RREB1: variants seen among roughly 807,000 people sequenced by gnomAD.
RREB1 encodes the protein ras responsive element binding protein 1.
Under a neutral mutation model 117.8 loss-of-function variants are expected in RREB1, and 27 were observed. That is an observed-to-expected ratio of 0.23 (90% CI 0.17 to 0.32). RREB1 has a LOEUF of 0.32. RREB1 is among the 10% of genes least tolerant of loss of function. The probability of loss-of-function intolerance (pLI) is 1.00; values close to 1 mark genes in which losing one functional copy is unlikely to be tolerated. For synonymous variants in RREB1, 1,298 were observed against 1,026.7 expected, an observed-to-expected ratio of 1.26 and a Z score of -5.05; for missense variants, 2,577 against 2,378.2, an observed-to-expected ratio of 1.08 and a Z score of -1.74.
intron 1 of RREB1, among the ~76,000 whole-genome samples, chr6:7,169,987 A>G (rs931246107): frequency 7.9e-5 from 12 of 152,202 alleles, no homozygotes; most frequent in Non-Finnish European, 4.4e-5. Flanking sequence ...TAAATGTCCA[A>G]GTGATTTTTA....
chr6:7,226,446 G>A (rs753638744), intron 8 of RREB1, 21 bp from the exon 9 acceptor site: 2 of 1,588,260 alleles, frequency 1.3e-6, no homozygotes, highest in East Asian at 2.3e-5. Context: ...TGCCTCATAT[G>A]TTCTCCCTTT....
intron 1 of RREB1, among the ~76,000 whole-genome samples, chr6:7,161,932 G>A (rs933086329): frequency 1.3e-5 from 2 of 152,164 alleles, no homozygotes; most frequent in African/African-American, 4.8e-5. Context: ...CTGTGGATAC[G>A]ATTATTTCAT....
In RREB1 at chr6:7,247,227, C is replaced by T. The variant is rs562455891; in HGVS notation, c.4771+6C>T. 1.7e-5 allele frequency: 28 copies of T among 1,607,024 alleles called. No individual in the cohort carries two copies. The highest frequency in any genetic ancestry group is 2.3e-5 in the Non-Finnish European group (27 of 1,176,134). On this transcript the variant is annotated splice_donor_region_variant and intron_variant, in intron 12 of 12. Transcript: ENST00000379938. ...GCACATGCGCTCCCACACAGGTAAC[C>T]AGGGCAGGCCAGGTCCCCGGCCCAA...
intron 6 of RREB1, among the ~76,000 whole-genome samples, chr6:7,189,773 G>A (rs1465959116): frequency 2.0e-5 from 3 of 152,190 alleles, no homozygotes. Flanking sequence ...TGGTCCTGGA[G>A]CTTCAGGATA....
intron 12 of RREB1, among the ~76,000 whole-genome samples, chr6:7,247,957 C>T (rs1769195022): frequency 6.6e-6 from 1 of 152,234 alleles, no homozygotes; most frequent in South Asian, 2.1e-4. Context: ...CCAGCGCAGT[C>T]GGCTCTGCCC....
rs751100126 is a variant in RREB1, at chr6:7,109,490, C to T, written c.-285+1430C>T. Among the ~76,000 whole-genome samples the T allele has an allele frequency of 1.0e-3, 151 of 151,080 alleles. 1 individual carries two copies. The highest frequency in any genetic ancestry group is 1.9e-3 in the Non-Finnish European group (126 of 67,718). On this transcript the variant is annotated intron_variant, in intron 1 of 12. Coordinates refer to ENST00000379938, the MANE Select transcript of RREB1 (RefSeq NM_001003699.4). ...GTGCGGGGCGCGTCGGCCGAGCCCA[C>T]CGATGGGCGAGGCCACCTTTCTCTC...
rs1356566728 is a variant in RREB1 at position 7,181,995 on chromosome 6, G to A, written c.84G>A (p.Gly28=). The change falls in exon 4 of 13, where the codon GGG becomes GGA. Residue 28 remains glycine (G), a synonymous_variant. Coordinates refer to ENST00000379938, the MANE Select transcript of RREB1 (RefSeq NM_001003699.4). ...TGATGTCGGCGGTCATGAGTGTAGGGAAGGTCACAGAGAATGGCGGGAGCC... is the reference window on the plus strand; with the variant it reads ...TGATGTCGGCGGTCATGAGTGTAGGAAAGGTCACAGAGAATGGCGGGAGCC... ...NTMMSAVMSV[G]KVTENGGSPQ... 1.2e-6 allele frequency: 2 copies of A among 1,614,090 alleles called. No individual in the cohort carries two copies. The highest frequency in any genetic ancestry group is 2.7e-5 in the African/African-American group (2 of 74,930).
At chr6:7,168,823 A>T (rs988657749) in intron 1 of RREB1, among the ~76,000 whole-genome samples, 6 of 152,198 alleles carry the variant, frequency 3.9e-5, no homozygotes, top group African/African-American at 1.4e-4. Context: ...GCTACAGTGG[A>T]AAGTACAAGA....
intron 1 of RREB1, among the ~76,000 whole-genome samples, chr6:7,156,490 C>T (rs1046045982): frequency 2.2e-4 from 33 of 152,338 alleles, no homozygotes; most frequent in Middle Eastern, 3.4e-3. Context: ...ACCAGCCAGT[C>T]CCTTGTGGCT....
At chr6:7,112,380 C>T (rs1761187677) in intron 1 of RREB1, among the ~76,000 whole-genome samples, 1 of 152,052 alleles carries the variant, frequency 6.6e-6, no homozygotes, top group Admixed American at 6.5e-5. Flanking sequence ...GTACATCTGA[C>T]CTATTGAACA....
chr6:7,216,740 G>T (rs578096847), intron 8 of RREB1: 1 of 152,288 alleles, frequency 6.6e-6, no homozygotes, highest in African/African-American at 2.4e-5. Context: ...TGAAGAGTCT[G>T]TGAGTCTGAG....
intron 1 of RREB1, among the ~76,000 whole-genome samples, chr6:7,119,660 G>T (rs1761579993): frequency 6.6e-6 from 1 of 152,226 alleles, no homozygotes; most frequent in Non-Finnish European, 1.5e-5. Context: ...TACAGGGATG[G>T]TGCGGTAGAT....
chr6:7,217,904 A>G (rs1767001407), intron 8 of RREB1: 1 of 152,212 alleles, frequency 6.6e-6, no homozygotes, highest in Non-Finnish European at 1.5e-5. Flanking sequence ...AGAGAACATG[A>G]AAGCAATTTG....
intron 8 of RREB1, chr6:7,212,255 A>G (rs887327662): frequency 2.6e-5 from 4 of 152,338 alleles, no homozygotes; most frequent in Non-Finnish European, 4.4e-5. Context: ...GGAACCTGAT[A>G]TGTTTCAATA....
intron 6 of RREB1, among the ~76,000 whole-genome samples, chr6:7,210,244 C>A (rs372684848): frequency 2.0e-5 from 3 of 152,242 alleles, no homozygotes; most frequent in African/African-American, 4.8e-5. Flanking sequence ...TATAAATCCA[C>A]ATAATACTAC....
intron 2 of RREB1, among the ~76,000 whole-genome samples, chr6:7,180,395 T>C (rs1764728406): frequency 6.6e-6 from 1 of 152,246 alleles, no homozygotes; most frequent in South Asian, 2.1e-4. Flanking sequence ...ACGTTCTCTT[T>C]ACAGCTGAGA....
At chr6:7,234,859 C>T (rs1213369738) in intron 10 of RREB1, among the ~76,000 whole-genome samples, 1 of 152,202 alleles carries the variant, frequency 6.6e-6, no homozygotes, top group Non-Finnish European at 1.5e-5. Flanking sequence ...CGGTTCTGTG[C>T]AACTGCCCAC....
intron 9 of RREB1, 100 bp downstream of exon 9, chr6:7,226,756 A>G: frequency 1.1e-6 from 1 of 933,756 alleles, no homozygotes; most frequent in Non-Finnish European, 1.6e-6. Flanking sequence ...TTTCCTTAAA[A>G]TGTCGGTTGG....
In RREB1 at chr6:7,211,628, A is replaced by G. The variant is rs976055884; in HGVS notation, c.626A>G (p.His209Arg). 2 of 1,614,010 alleles carry G rather than the reference A, an allele frequency of 1.2e-6. No individual in the cohort carries two copies. The highest frequency in any genetic ancestry group is 2.2e-5 in the South Asian group (2 of 91,078). Residue 209 changes from histidine (H) to arginine (R), a missense_variant, in exon 8 of 13, where the codon CAC becomes CGC. Physicochemically the swap from His to Arg is conservative, Grantham distance 29 (BLOSUM62 0). Coordinates refer to ENST00000379938, the MANE Select transcript of RREB1 (RefSeq NM_001003699.4). Reference protein sequence around the residue: ...DLEKKADEVFHCPVCFKEFVC... With the variant: ...DLEKKADEVFRCPVCFKEFVC... ...GAGAAGAAAGCTGATGAAGTCTTTCACTGCCCAGTATGTTTCAAGGAGTTT... is the reference window on the plus strand; with the variant it reads ...GAGAAGAAAGCTGATGAAGTCTTTCGCTGCCCAGTATGTTTCAAGGAGTTT...
Sources: allele counts gnomAD v4.1 joint callset (sites outside exome capture counted in the v4.1 genomes callset), GRCh38; gene constraint gnomAD v4.1.1; transcripts MANE v1.5; gene names NCBI Gene and HGNC (gene_info 2026-07-23, HGNC 2026-07-21).